ABCA13: variants seen among roughly 807,000 people sequenced by gnomAD.
ABCA13 encodes the protein ATP binding cassette subfamily A member 13.
ABCA13 carries 476 observed loss-of-function variants against 478.7 expected under a neutral mutation model. The observed-to-expected ratio is 0.99, with a 90% CI of 0.92 to 1.07. The LOEUF (loss-of-function observed/expected upper bound fraction) is 1.07, where lower values mean the gene tolerates loss of function less well. Among genes scored for constraint, ABCA13 ranks in the 50% least tolerant of loss-of-function variants. The pLI is 0.00. For synonymous variants in ABCA13, 2,252 were observed against 2,158.9 expected (o/e 1.04, Z -1.20); for missense variants, 6,060 against 5,910.6 (o/e 1.03, Z -0.83).
In ABCA13 at chr7:48,177,344, T is replaced by C. The variant is rs147156166; in HGVS notation, c.69+5792T>C. Reference sequence around the variant, plus strand: ...GGAAAAAGTCTTGAACTAACTACTCTTGAACTGCTCCTATGGCTAGAGGTC... The same window carrying C: ...GGAAAAAGTCTTGAACTAACTACTCCTGAACTGCTCCTATGGCTAGAGGTC... On this transcript the variant is annotated intron_variant, in intron 1 of 61. Transcript: ENST00000435803. Among the ~76,000 whole-genome samples, 970 of 152,328 alleles carry C rather than the reference T, an allele frequency of 6.4e-3. 4 individuals carry two copies. Among genetic ancestry groups the C allele is most frequent in the Admixed American group, 0.013 (206 of 15,304 alleles).
At chr7:48,424,622 T>C (rs1027478053) in intron 41 of ABCA13, among the ~76,000 whole-genome samples, 1 of 152,202 alleles carries the variant, frequency 6.6e-6, no homozygotes, top group Non-Finnish European at 1.5e-5. Flanking sequence ...AATGTGGAAA[T>C]TCTATGTCCA....
intron 55 of ABCA13, among the ~76,000 whole-genome samples, chr7:48,570,021 A>G (rs914063119): frequency 6.6e-6 from 1 of 152,042 alleles, no homozygotes; most frequent in African/African-American, 2.4e-5. Context: ...TTAATCTTCT[A>G]GCATAGTTAT....
chr7:48,528,472 AT>A, intron 55 of ABCA13, 127 bp downstream of exon 55: 1 of 641,242 alleles, frequency 1.6e-6, no homozygotes, highest in Non-Finnish European at 2.5e-6. Flanking sequence ...TTACCTTCCA[AT>A]TACCACTCCT....
chr7:48,630,672 A>C (rs899482555), intron 59 of ABCA13, among the ~76,000 whole-genome samples: 18 of 152,196 alleles, frequency 1.2e-4, no homozygotes, highest in Non-Finnish European at 1.8e-4. Context: ...GTATATACCC[A>C]ATAATGGGAT....
intron 59 of ABCA13, among the ~76,000 whole-genome samples, chr7:48,639,752 T>G (rs1361099365): frequency 3.3e-5 from 5 of 152,208 alleles, no homozygotes; most frequent in Admixed American, 6.5e-5. Context: ...TTTTCTAAAG[T>G]CTAAGATTAG....
intron 41 of ABCA13, among the ~76,000 whole-genome samples, chr7:48,416,369 C>T (rs1333149820): frequency 1.3e-5 from 2 of 152,044 alleles, no homozygotes; most frequent in Non-Finnish European, 2.9e-5. Flanking sequence ...CCTTCTGCAC[C>T]CCCTGGGGTG....
At chr7:48,200,944 C>A (rs1287560828) in intron 3 of ABCA13, among the ~76,000 whole-genome samples, 1 of 152,194 alleles carries the variant, frequency 6.6e-6, no homozygotes, top group Non-Finnish European at 1.5e-5. Flanking sequence ...AGCCCCACAC[C>A]ACCTGGCAGG....
At chr7:48,177,964 T>C (rs1263428843) in intron 1 of ABCA13, among the ~76,000 whole-genome samples, 1 of 152,168 alleles carries the variant, frequency 6.6e-6, no homozygotes, top group Non-Finnish European at 1.5e-5. Flanking sequence ...TGTCTCAGGT[T>C]TGCTAAGAGC....
intron 21 of ABCA13, among the ~76,000 whole-genome samples, chr7:48,296,598 T>C (rs573123464): frequency 6.6e-6 from 1 of 152,106 alleles, no homozygotes; most frequent in East Asian, 1.9e-4. Flanking sequence ...TAGCTGGGAC[T>C]ACAGGCACCC....
chr7:48,299,223 G>T (rs540335182), intron 23 of ABCA13, among the ~76,000 whole-genome samples: 1 of 152,282 alleles, frequency 6.6e-6, no homozygotes, highest in East Asian at 1.9e-4. Flanking sequence ...AGTAGTAACC[G>T]TGGAGCTGAC....
At chr7:48,227,615 GCA>G (rs952236684) in intron 6 of ABCA13, among the ~76,000 whole-genome samples, 190 bp downstream of exon 6, 2 of 152,100 alleles carry the variant, frequency 1.3e-5, no homozygotes, top group African/African-American at 4.8e-5. Flanking sequence ...TTATATACAG[GCA>G]GTGATGTTGT....
At chr7:48,267,521 T>G (rs1422028727) in intron 15 of ABCA13, among the ~76,000 whole-genome samples, 1 of 152,152 alleles carries the variant, frequency 6.6e-6, no homozygotes, top group African/African-American at 2.4e-5. Flanking sequence ...ATATTTCAAG[T>G]GCATTTCTTA....
chr7:48,335,576 T>G (rs1236515912), intron 28 of ABCA13, 41 bp downstream of exon 28: 2 of 1,514,318 alleles, frequency 1.3e-6, no homozygotes, highest in Admixed American at 1.7e-5. Context: ...GGGGAGCTAC[T>G]GCTAGGGCAT....
At chr7:48,566,950 T>A (rs1242519741) in intron 55 of ABCA13, among the ~76,000 whole-genome samples, 1 of 152,178 alleles carries the variant, frequency 6.6e-6, no homozygotes. Context: ...GAACTACTTA[T>A]AGTGATAGAC....
At chr7:48,336,494 T>C (rs1053001413) in intron 28 of ABCA13, among the ~76,000 whole-genome samples, 1 of 152,170 alleles carries the variant, frequency 6.6e-6, no homozygotes, top group Admixed American at 6.5e-5. Context: ...GGAAGCATCC[T>C]GGTGGGCCCT....
At chr7:48,321,857 C>A (rs1803525870) in intron 27 of ABCA13, among the ~76,000 whole-genome samples, 1 of 152,164 alleles carries the variant, frequency 6.6e-6, no homozygotes, top group African/African-American at 2.4e-5. Context: ...GCCCTGGCAG[C>A]ACCACAGACA....
At chr7:48,250,275 T>C (rs1478745836) in intron 15 of ABCA13, among the ~76,000 whole-genome samples, 1 of 152,162 alleles carries the variant, frequency 6.6e-6, no homozygotes, top group African/African-American at 2.4e-5. Context: ...CACTGTCCTT[T>C]TGGGTTTTTA....
intron 28 of ABCA13, 40 bp from the exon 29 acceptor site, chr7:48,338,325 A>G: frequency 7.1e-7 from 1 of 1,407,580 alleles, no homozygotes; most frequent in Non-Finnish European, 9.7e-7. Flanking sequence ...AATACGAAAT[A>G]ATGCAATTAT....
intron 15 of ABCA13, among the ~76,000 whole-genome samples, chr7:48,265,619 G>A (rs1344362362): frequency 6.6e-6 from 1 of 151,140 alleles, no homozygotes; most frequent in Non-Finnish European, 1.5e-5. Context: ...TTTAATTTTT[G>A]TAAATTCATC....
Sources: allele counts gnomAD v4.1 joint callset (sites outside exome capture counted in the v4.1 genomes callset), GRCh38; gene constraint gnomAD v4.1.1; transcripts MANE v1.5; gene names NCBI Gene and HGNC (gene_info 2026-07-23, HGNC 2026-07-21).